The following PRRG1 variants were observed in gnomAD, a reference collection of about 807,000 sequenced individuals.
The protein encoded by PRRG1 is proline rich and Gla domain 1.
In PRRG1, 5 loss-of-function variants were observed where a neutral mutation model predicts 11.8. The observed-to-expected ratio is 0.42, with a 90% CI of 0.22 to 0.89. PRRG1 has a LOEUF of 0.89. Among genes scored for constraint, PRRG1 ranks in the 40% least tolerant of loss-of-function variants. The pLI is 0.28. For synonymous variants in PRRG1, 66 were observed against 60.4 expected (o/e 1.09, Z -0.43); for missense variants, 155 against 166.1 (o/e 0.93, Z 0.37).
chrX:37,441,474 A>G, intron 3 of PRRG1: 11 of 754,892 alleles, frequency 1.5e-5, no homozygotes, highest in Non-Finnish European at 1.7e-5. Flanking sequence ...GCCAGCTACT[A>G]CTACCACAGC....
intron 3 of PRRG1, among the ~76,000 whole-genome samples, chrX:37,447,120 C>T (rs1933092123): frequency 9.0e-6 from 1 of 111,524 alleles, no homozygotes; most frequent in Non-Finnish European, 1.9e-5. Context: ...GTTATAGTAC[C>T]ATTTAAATAT....
At chrX:37,387,895 G>A (rs896327197) in intron 1 of PRRG1, among the ~76,000 whole-genome samples, 12 of 111,680 alleles carry the variant, frequency 1.1e-4, no homozygotes, top group Admixed American at 1.0e-3. Flanking sequence ...CCACCAATGA[G>A]CCTGTAAAAT....
At chrX:37,426,514 T>C (rs1424151688) in intron 3 of PRRG1, among the ~76,000 whole-genome samples, 1 of 111,867 alleles carries the variant, frequency 8.9e-6, no homozygotes, top group Non-Finnish European at 1.9e-5. Context: ...GAAAAGTCTA[T>C]AGAACTGCTC....
intron 1 of PRRG1, among the ~76,000 whole-genome samples, chrX:37,356,396 C>G (rs1286172816): frequency 2.7e-5 from 3 of 111,576 alleles, no homozygotes; most frequent in Non-Finnish European, 5.7e-5. Context: ...GCACAGGGAA[C>G]AGCAGTTGTA....
chrX:37,440,225 G>A (rs191954199), intron 3 of PRRG1, among the ~76,000 whole-genome samples: 23 of 112,149 alleles, frequency 2.1e-4, no homozygotes, highest in Admixed American at 1.7e-3. Context: ...TTTCTGAATG[G>A]AATTGGAACT....
chrX:37,440,017 C>G (rs1353888336), intron 3 of PRRG1, among the ~76,000 whole-genome samples: 1 of 110,101 alleles, frequency 9.1e-6, no homozygotes, highest in Non-Finnish European at 1.9e-5. Flanking sequence ...CCAGGCTGGT[C>G]TTGAACTCCT....
At chrX:37,448,088 G>A (rs1346474661) in intron 3 of PRRG1, among the ~76,000 whole-genome samples, 7 of 111,933 alleles carry the variant, frequency 6.3e-5, no homozygotes, top group Admixed American at 2.8e-4. Flanking sequence ...GGGTCTTGAC[G>A]AGTCATCCAG....
chrX:37,430,981 G>T (rs1271253848), intron 3 of PRRG1, among the ~76,000 whole-genome samples: 1 of 112,207 alleles, frequency 8.9e-6, no homozygotes, highest in African/African-American at 3.2e-5. Context: ...TTGCAAGAAT[G>T]TTATATAAAT....
chrX:37,396,373 C>T (rs1156919477), intron 1 of PRRG1, among the ~76,000 whole-genome samples: 1 of 111,520 alleles, frequency 9.0e-6, no homozygotes, highest in East Asian at 2.8e-4. Context: ...ACCCAAATCT[C>T]ATCTTGAATT....
At chrX:37,411,447 TA>T (rs1340067076) in intron 2 of PRRG1, among the ~76,000 whole-genome samples, 1 of 112,156 alleles carries the variant, frequency 8.9e-6, no homozygotes, top group Admixed American at 9.5e-5. Flanking sequence ...GATAAAATGG[TA>T]AAAGGCCCAG....
At position 37,440,723 on chromosome X, in the gene PRRG1, G is replaced by A. The variant is rs782307830; in HGVS notation, c.172-12413G>A. 1,167 of 496,244 alleles carry A rather than the reference G, an allele frequency of 2.4e-3. 2 individuals are homozygous for A. Among genetic ancestry groups the A allele is most frequent in the Middle Eastern group, 3.2e-3 (6 of 1,878 alleles). 40.9% of individuals were successfully genotyped at this position (496,244 alleles called of 1,213,427 possible). A position where few individuals can be genotyped will look rare whatever the true frequency, so the allele number is the denominator to read the frequency against. On this transcript the variant is annotated intron_variant, in intron 3 of 3. Transcript: ENST00000378628. ...AACCTAGGTTTTATATTAGTTTTTC[G>A]TTAAAACTGTTGCATTCCACTTTGC...
At chrX:37,403,766 A>G in intron 1 of PRRG1, 1 of 753,664 alleles carries the variant, frequency 1.3e-6, no homozygotes, top group Non-Finnish European at 1.6e-6. Flanking sequence ...TTCCATCAGA[A>G]GAAGCAAGGA....
chrX:37,390,286 A>C (rs1419735689), intron 1 of PRRG1, among the ~76,000 whole-genome samples: 1 of 111,721 alleles, frequency 9.0e-6, no homozygotes, highest in Non-Finnish European at 1.9e-5. Flanking sequence ...ATTAATTTCC[A>C]ACATATGAAT....
intron 3 of PRRG1, among the ~76,000 whole-genome samples, chrX:37,450,905 G>T (rs1045080234): frequency 2.7e-5 from 3 of 112,426 alleles, no homozygotes; most frequent in Non-Finnish European, 5.6e-5. Flanking sequence ...GAGATGTAAA[G>T]CAATTTTTTA....
chrX:37,435,572 A>G (rs1932876231), intron 3 of PRRG1, among the ~76,000 whole-genome samples: 1 of 111,026 alleles, frequency 9.0e-6, no homozygotes. Flanking sequence ...CAAAGTTACT[A>G]AGTCACACAT....
chrX:37,436,198 T>C (rs1556391939), intron 3 of PRRG1, among the ~76,000 whole-genome samples: 1 of 111,227 alleles, frequency 9.0e-6, no homozygotes, highest in South Asian at 3.8e-4. Context: ...GGATGACTCT[T>C]TTGTCTGGGT....
intron 1 of PRRG1, among the ~76,000 whole-genome samples, chrX:37,363,118 T>C (rs1370694149): frequency 8.9e-6 from 1 of 111,961 alleles, no homozygotes; most frequent in Admixed American, 9.5e-5. Flanking sequence ...CTGTAAGATA[T>C]ATGGCTTTTA....
chrX:37,363,278 A>G (rs1930469649), intron 1 of PRRG1, among the ~76,000 whole-genome samples: 2 of 111,705 alleles, frequency 1.8e-5, no homozygotes, highest in African/African-American at 3.3e-5. Context: ...TGCATGAAGC[A>G]TAGTTTTGGG....
At chrX:37,399,506 A>G (rs1182224731) in intron 1 of PRRG1, among the ~76,000 whole-genome samples, 7 of 111,096 alleles carry the variant, frequency 6.3e-5, no homozygotes, top group African/African-American at 9.9e-5. Flanking sequence ...AGGAACAACC[A>G]GTACCAGCCA....
Sources: allele counts gnomAD v4.1 joint callset (sites outside exome capture counted in the v4.1 genomes callset), GRCh38; gene constraint gnomAD v4.1.1; transcripts MANE v1.5; gene names NCBI Gene and HGNC (gene_info 2026-07-23, HGNC 2026-07-21).